The following PLCE1 variants were observed in gnomAD, a reference collection of about 807,000 sequenced individuals.
PLCE1 encodes 1-phosphatidylinositol 4,5-bisphosphate phosphodiesterase epsilon-1.
A neutral mutation model predicts 242.8 loss-of-function variants in PLCE1; 119 were observed. The observed-to-expected ratio is 0.49, with a 90% CI of 0.42 to 0.57. The LOEUF is 0.57. Ranked by LOEUF, PLCE1 falls within the 20% of genes least tolerant of loss-of-function variation. PLCE1 has a pLI of 0.00. For missense variants in PLCE1, 2,441 were observed against 2,788.8 expected, an observed-to-expected ratio of 0.88 and a Z score of 2.81; for synonymous variants, 945 against 1,017.4, an observed-to-expected ratio of 0.93 and a Z score of 1.35.
rs758113749 is a variant in PLCE1, at chr10:94,324,980, C to T, written c.6809C>T (p.Thr2270Ile). 7 of 1,614,148 alleles carry T rather than the reference C, an allele frequency of 4.3e-6. No individual in the cohort carries two copies. The highest frequency in any genetic ancestry group is 5.1e-6 in the Non-Finnish European group (6 of 1,179,978). The change falls in exon 32 of 33, where the codon ACA becomes ATA. Residue 2270 changes from threonine to isoleucine, a missense_variant. Around this residue, in one of 5 missense-constraint regions of PLCE1, gnomAD observed 310 missense variants for 317.2 expected, o/e 0.98. Transcript: ENST00000371380. Reference protein sequence around the residue: ...TKSTKQPRGLTSPSQLLTSES... With the variant: ...TKSTKQPRGLISPSQLLTSES... ...TCAACTAAACAGCCCCGAGGACTTA[C>T]ATCACCTTCTCAGCTCTTGACCTCA...
At chr10:94,143,754 A>G (rs1263308382) in intron 3 of PLCE1, among the ~76,000 whole-genome samples, 1 of 152,236 alleles carries the variant, frequency 6.6e-6, no homozygotes, top group Non-Finnish European at 1.5e-5. Flanking sequence ...TATCATCAGG[A>G]AAGTCTAACA....
chr10:94,134,291 G>C (rs1026044135), intron 3 of PLCE1, among the ~76,000 whole-genome samples: 16 of 152,088 alleles, frequency 1.1e-4, no homozygotes, highest in Admixed American at 9.8e-4. Context: ...TAGAGACGGG[G>C]TTTTGCCATG....
In PLCE1 at chr10:94,325,025, A is replaced by G. The variant is rs771540823; in HGVS notation, c.6854A>G (p.Glu2285Gly). The change falls in exon 32 of 33, where the codon GAG (glutamate) becomes GGG (glycine). Residue 2285 changes from glutamate to glycine, a missense_variant. Around this residue, in one of 5 missense-constraint regions of PLCE1, gnomAD observed 310 missense variants for 317.2 expected, o/e 0.98. Coordinates refer to ENST00000371380, the MANE Select transcript of PLCE1 (RefSeq NM_016341.4). Reference sequence around the variant, plus strand: ...ACCTCAGAAAGTATCCAAACCAAGGAGGAGAAACCTGTGGGTGGCTTGTCC... The same window carrying G: ...ACCTCAGAAAGTATCCAAACCAAGGGGGAGAAACCTGTGGGTGGCTTGTCC... Reference protein sequence around the residue: ...LLTSESIQTKEEKPVGGLSSS... With the variant: ...LLTSESIQTKGEKPVGGLSSS... 6.0e-5 allele frequency: 97 copies of G among 1,614,034 alleles called. No homozygotes were observed. The highest frequency in any genetic ancestry group is 8.1e-5 in the Non-Finnish European group (96 of 1,180,020).
intron 16 of PLCE1, among the ~76,000 whole-genome samples, chr10:94,268,689 C>T (rs918243318): frequency 6.6e-6 from 1 of 152,208 alleles, no homozygotes; most frequent in Non-Finnish European, 1.5e-5. Context: ...TCAAATTTTA[C>T]TTTCCTTTAA....
In PLCE1 at chr10:94,324,326, G is replaced by C. The variant is rs142012546; in HGVS notation, c.6502-23G>C. The C allele has an allele frequency of 2.5e-5, 39 of 1,573,804 alleles. No individual in the cohort carries two copies. The East Asian group carries it at 7.6e-4, about 31-fold the overall frequency. On this transcript the variant is annotated intron_variant, in intron 30 of 32. Transcript: ENST00000371380. ...GTTGGAGATTCTGTGTCTTTATTCAGTTGATCATAACTTACCTTTCAGACC... is the reference window on the plus strand; with the variant it reads ...GTTGGAGATTCTGTGTCTTTATTCACTTGATCATAACTTACCTTTCAGACC...
intron 2 of PLCE1, among the ~76,000 whole-genome samples, chr10:94,045,533 A>C (rs1361732748): frequency 6.6e-6 from 1 of 152,218 alleles, no homozygotes; most frequent in African/African-American, 2.4e-5. Flanking sequence ...TTACATAGCT[A>C]ATGATGGAAG....
chr10:94,039,428 C>T (rs1045475872), intron 2 of PLCE1, among the ~76,000 whole-genome samples: 1 of 151,536 alleles, frequency 6.6e-6, no homozygotes, highest in African/African-American at 2.4e-5. Context: ...GTTGCCCAGG[C>T]TGGAGTGCAG....
chr10:94,032,381 C>G, intron 2 of PLCE1, 129 bp downstream of exon 2: 1 of 850,456 alleles, frequency 1.2e-6, no homozygotes, highest in Non-Finnish European at 1.9e-6. Flanking sequence ...TTAGGTTAAG[C>G]ATTTGTGGTT....
intron 7 of PLCE1, among the ~76,000 whole-genome samples, chr10:94,243,934 T>C (rs1418674046): frequency 6.6e-6 from 1 of 152,210 alleles, no homozygotes; most frequent in African/African-American, 2.4e-5. Context: ...TTATTCCATG[T>C]AGTTAGCTAT....
intron 3 of PLCE1, among the ~76,000 whole-genome samples, chr10:94,167,061 A>G (rs1291645099): frequency 6.6e-6 from 1 of 152,168 alleles, no homozygotes; most frequent in Non-Finnish European, 1.5e-5. Flanking sequence ...AGGCCAAGGC[A>G]GGTGGATCAC....
At chr10:94,259,940 A>C (rs1564838460) in intron 13 of PLCE1, among the ~76,000 whole-genome samples, 1 of 152,200 alleles carries the variant, frequency 6.6e-6, no homozygotes, top group East Asian at 1.9e-4. Context: ...TAAAACCATC[A>C]GATCTCATGA....
chr10:94,191,746 A>T (rs183271935), intron 4 of PLCE1, among the ~76,000 whole-genome samples: 28 of 152,338 alleles, frequency 1.8e-4, no homozygotes, highest in Admixed American at 3.9e-4. Flanking sequence ...AAGGGTTGCC[A>T]TAAAGATGAA....
chr10:94,102,467 C>T (rs1028625933), intron 2 of PLCE1, among the ~76,000 whole-genome samples: 1 of 152,194 alleles, frequency 6.6e-6, no homozygotes, highest in Non-Finnish European at 1.5e-5. Context: ...TAAAATGATA[C>T]CTTTGTCCCC....
intron 11 of PLCE1, among the ~76,000 whole-genome samples, chr10:94,257,445 A>G (rs1387727877): frequency 1.3e-5 from 2 of 152,184 alleles, no homozygotes; most frequent in African/African-American, 4.8e-5. Flanking sequence ...ATTATAAATC[A>G]TGCTGCTATA....
chr10:94,039,820 T>G (rs1281951751), intron 2 of PLCE1, among the ~76,000 whole-genome samples: 1 of 152,264 alleles, frequency 6.6e-6, no homozygotes. Context: ...CATCTTTTCA[T>G]GTGCTCTTAG....
intron 3 of PLCE1, among the ~76,000 whole-genome samples, chr10:94,151,599 A>G (rs1307487708): frequency 6.6e-6 from 1 of 152,192 alleles, no homozygotes; most frequent in Non-Finnish European, 1.5e-5. Context: ...AGAGTCACAC[A>G]TTTATAAGCC....
chr10:94,041,496 T>C (rs2061766667), intron 2 of PLCE1, among the ~76,000 whole-genome samples: 1 of 152,160 alleles, frequency 6.6e-6, no homozygotes, highest in Admixed American at 6.5e-5. Context: ...TGTCCCTGGC[T>C]CCCCATTTCA....
chr10:94,215,725 A>G (rs568378991), intron 4 of PLCE1, among the ~76,000 whole-genome samples: 3 of 152,280 alleles, frequency 2.0e-5, no homozygotes, highest in East Asian at 3.9e-4. Flanking sequence ...GAAGGAAAAC[A>G]TATATGGAGA....
At chr10:94,312,951 G>T (rs1314988727) in intron 27 of PLCE1, among the ~76,000 whole-genome samples, 1 of 147,946 alleles carries the variant, frequency 6.8e-6, no homozygotes, top group Non-Finnish European at 1.5e-5. Flanking sequence ...GAACTCAATA[G>T]ATACTATGGA....
Sources: gnomAD v4.1 joint callset for allele counts (sites outside exome capture counted in the v4.1 genomes callset) on GRCh38, gnomAD v4.1.1 for gene constraint, gnomAD v4.1.1 regional missense constraint, MANE v1.5 for transcripts, NCBI Gene and HGNC (gene_info 2026-07-23, HGNC 2026-07-21) for gene names.